The following PRMT2 variants were observed in gnomAD, a reference collection of about 807,000 sequenced individuals.
The protein encoded by PRMT2 is protein arginine N-methyltransferase 2.
In PRMT2, 26 loss-of-function variants were observed where a neutral mutation model predicts 57.6. The observed-to-expected ratio is 0.45, with a 90% CI of 0.33 to 0.63. The LOEUF (loss-of-function observed/expected upper bound fraction) is 0.63, where lower values mean the gene tolerates loss of function less well. PRMT2 is among the 20% of genes least tolerant of loss of function. The probability of loss-of-function intolerance (pLI) is 0.02; values close to 1 mark genes in which losing one functional copy is unlikely to be tolerated. For synonymous variants in PRMT2, 219 were observed against 220.0 expected (o/e 1.00, Z 0.04); for missense variants, 472 against 564.4 (o/e 0.84, Z 1.66).
chr21:46,657,433 C>T (rs1226591838), intron 7 of PRMT2: 1 of 151,630 alleles, frequency 6.6e-6, no homozygotes, highest in East Asian at 1.9e-4. Context: ...CTGGATAATC[C>T]TTAAGGATAA....
At chr21:46,653,714 C>T (rs887607839) in intron 7 of PRMT2, 24 of 1,253,258 alleles carry the variant, frequency 1.9e-5, no homozygotes, top group Admixed American at 8.6e-5. Flanking sequence ...GGTGCCCACA[C>T]GCACACACAC....
intron 7 of PRMT2, chr21:46,657,357 C>CT (rs1569162157): frequency 6.9e-6 from 1 of 145,252 alleles, no homozygotes; most frequent in Non-Finnish European, 1.5e-5. Flanking sequence ...AATGATTATA[C>CT]TAGCTCTCTT....
rs980743844 is a variant in PRMT2 at position 46,649,407 on chromosome 21, G to C, written c.490-168G>C. On this transcript the variant is annotated intron_variant, in intron 6 of 11. Coordinates refer to ENST00000355680, the MANE Select transcript of PRMT2 (RefSeq NM_206962.4). The surrounding 1 kb of genome is among the most constrained non-coding windows in gnomAD (Gnocchi z 4.8). ...GGTTAGAGGCGGCTCCTTTCTGGGT[G>C]CCCCTGGAGGGGCAGGTGTGGCCAG... 18 of 1,035,042 alleles carry C rather than the reference G, an allele frequency of 1.7e-5. No homozygotes were observed. The African/African-American group carries it at 2.3e-4, about 14-fold the overall frequency. The allele number at this position is 1,035,042 out of a possible 1,614,324, so 64.1% of individuals were successfully genotyped here.
chr21:46,653,451 ATTTGC>A (rs2061491801), intron 7 of PRMT2: 1 of 998,654 alleles, frequency 1.0e-6, no homozygotes. Flanking sequence ...GCCTAAATGT[ATTTGC>A]TTTATTTACA....
chr21:46,664,359 A>T lies in PRMT2; in HGVS notation c.*32A>T, dbSNP rs776409455. The T allele has an allele frequency of 6.8e-6, 11 of 1,614,066 alleles. No individual in the cohort carries two copies. Among genetic ancestry groups the T allele is most frequent in the Non-Finnish European group, 9.3e-6 (11 of 1,179,960 alleles). On this transcript the variant is annotated 3_prime_UTR_variant, in exon 12 of 12. Coordinates refer to ENST00000355680, the MANE Select transcript of PRMT2 (RefSeq NM_206962.4). ...ATGCTTTATTTGGAAAGCAGTGTGCATATCTTGAGGGGTGATGAACACAAG... is the reference window on the plus strand; with the variant it reads ...ATGCTTTATTTGGAAAGCAGTGTGCTTATCTTGAGGGGTGATGAACACAAG...
rs760799300 is a variant in PRMT2 at position 46,649,985 on chromosome 21, A to G, written c.654+246A>G. 20 of 1,429,588 alleles carry G rather than the reference A, an allele frequency of 1.4e-5. No individual in the cohort carries two copies. Among genetic ancestry groups the G allele is most frequent in the Admixed American group, 2.8e-5 (1 of 35,368 alleles). The allele number at this position is 1,429,588 out of a possible 1,614,324, so 88.6% of individuals were successfully genotyped here. A position where few individuals can be genotyped will look rare whatever the true frequency, so the allele number is the denominator to read the frequency against. ...TGTAACATTTTCATGAGTGATTTAC[A>G]TGAACTGTGTTCTCCTCGGGGATCT... is the stretch of plus-strand genomic sequence containing the variant. On this transcript the variant is annotated intron_variant, in intron 7 of 11. Coordinates refer to ENST00000355680, the MANE Select transcript of PRMT2 (RefSeq NM_206962.4). This position sits in a 1 kb window ranked among gnomAD's most constrained non-coding sequence, Gnocchi z 4.8.
chr21:46,657,766 C>T (rs540669124), intron 7 of PRMT2: 12 of 152,126 alleles, frequency 7.9e-5, no homozygotes, highest in African/African-American at 2.4e-4. Context: ...CGCTCAAGTT[C>T]GTAGGCTGTA....
In PRMT2 at chr21:46,649,329, C is replaced by G. The variant is rs1220402811; in HGVS notation, c.490-246C>G. Among the ~76,000 whole-genome samples the G allele has an allele frequency of 6.6e-6, 1 of 152,218 alleles. No individual in the cohort carries two copies. Among genetic ancestry groups the G allele is most frequent in the African/African-American group, 2.4e-5 (1 of 41,462 alleles). On this transcript the variant is annotated intron_variant, in intron 6 of 11. Transcript: ENST00000355680. The surrounding 1 kb of genome is among the most constrained non-coding windows in gnomAD (Gnocchi z 4.8). ...CGGCTCGGGCATGCGAGTCTTCCATCCACTTGCAGCCCTGCGTCTGTGTCT... is the reference window on the plus strand; with the variant it reads ...CGGCTCGGGCATGCGAGTCTTCCATGCACTTGCAGCCCTGCGTCTGTGTCT...
At chr21:46,646,874 C>T (rs1057051830) in intron 5 of PRMT2, among the ~76,000 whole-genome samples, 7 of 152,180 alleles carry the variant, frequency 4.6e-5, no homozygotes, top group East Asian at 3.8e-4. Flanking sequence ...CTTTGTTTCT[C>T]GCAGTTCTGG....
At chr21:46,657,886 T>G (rs1200734413) in intron 7 of PRMT2, 1 of 152,224 alleles carries the variant, frequency 6.6e-6, no homozygotes, top group African/African-American at 2.4e-5. Flanking sequence ...AACTGCAGAG[T>G]GATAACAGTG....
chr21:46,641,736 TGTG>T (rs2061279568), intron 3 of PRMT2, among the ~76,000 whole-genome samples: 1 of 151,006 alleles, frequency 6.6e-6, no homozygotes, highest in South Asian at 2.1e-4. Context: ...TGTGTGTGTG[TGTG>T]TGTGTGTGTA....
chr21:46,650,676 C>G (rs1451022724), intron 7 of PRMT2, among the ~76,000 whole-genome samples: 1 of 152,170 alleles, frequency 6.6e-6, no homozygotes, highest in Non-Finnish European at 1.5e-5. Flanking sequence ...GGTGCCCCGG[C>G]CACGGGGACA....
At chr21:46,641,319 A>G (rs2061270628) in intron 3 of PRMT2, among the ~76,000 whole-genome samples, 1 of 152,178 alleles carries the variant, frequency 6.6e-6, no homozygotes, top group South Asian at 2.1e-4. Flanking sequence ...GCTATGGAAT[A>G]TCGTATAGCC....
At position 46,661,814 on chromosome 21, in the gene PRMT2, G is replaced by C. The variant is rs1199453632; in HGVS notation, c.975G>C (p.Glu325Asp). 6.8e-6 allele frequency: 10 copies of C among 1,460,812 alleles called. No individual in the cohort carries two copies. The highest frequency in any genetic ancestry group is 1.5e-5 in the African/African-American group (1 of 68,640). 90.5% of individuals were successfully genotyped at this position (1,460,812 alleles called of 1,614,324 possible). Reference sequence around the variant, plus strand: ...GCTTGACCCAGACCCTGAGGGGCGAGCTGCGCTTCGACATCAGGAAGGCGG... The same window carrying C: ...GCTTGACCCAGACCCTGAGGGGCGACCTGCGCTTCGACATCAGGAAGGCGG... ...QISDLETLRG[E>D]LRFDIRKAGT... Residue 325 changes from glutamate (E) to aspartate (D), a missense_variant, in exon 10 of 12, where the codon GAG (glutamate) becomes GAC (aspartate). Glu to Asp is a conservative substitution (Grantham distance 45). Around this residue, in one of 2 missense-constraint regions of PRMT2, gnomAD observed 229 missense variants for 217.2 expected, o/e 1.05. Transcript: ENST00000355680.
At position 46,651,712 on chromosome 21, in the gene PRMT2, G is replaced by A. The variant is rs779244034; in HGVS notation, c.654+1973G>A. 1.2e-5 allele frequency: 17 copies of A among 1,411,726 alleles called. 1 individual carries two copies. The highest frequency in any genetic ancestry group is 1.6e-5 in the Non-Finnish European group (16 of 1,023,930). 87.4% of individuals were successfully genotyped at this position (1,411,726 alleles called of 1,614,324 possible). Reference sequence around the variant, plus strand: ...TGCAAGAGTTCCTATGGCGATAGTTGTTGGGGCACAGGGTTGGTCGGATTT... The same window carrying A: ...TGCAAGAGTTCCTATGGCGATAGTTATTGGGGCACAGGGTTGGTCGGATTT... On this transcript the variant is annotated intron_variant, in intron 7 of 11. Coordinates refer to ENST00000355680, the MANE Select transcript of PRMT2 (RefSeq NM_206962.4).
chr21:46,646,982 A>G (rs1410951253), intron 5 of PRMT2, among the ~76,000 whole-genome samples: 2 of 152,182 alleles, frequency 1.3e-5, no homozygotes, highest in Admixed American at 6.5e-5. Flanking sequence ...TTTCACCACA[A>G]ACCCTTTCAT....
At chr21:46,637,490 A>C (rs1012449795) in intron 3 of PRMT2, among the ~76,000 whole-genome samples, 1 of 152,204 alleles carries the variant, frequency 6.6e-6, no homozygotes, top group African/African-American at 2.4e-5. Flanking sequence ...GTTTTTAAAA[A>C]TCAAGCATTT....
At chr21:46,660,072 G>A (rs966351584) in intron 8 of PRMT2, 1 of 977,872 alleles carries the variant, frequency 1.0e-6, no homozygotes. Flanking sequence ...TTTTAAATTT[G>A]TAATTTTTTA....
In PRMT2 at chr21:46,636,958, A is replaced by G; in HGVS notation, c.7A>G (p.Thr3Ala). The G allele has an allele frequency of 6.2e-7, 1 of 1,613,854 alleles. No individual in the cohort carries two copies. Among genetic ancestry groups the G allele is most frequent in the Non-Finnish European group, 8.5e-7 (1 of 1,179,932 alleles). Residue 3 changes from threonine to alanine, a missense_variant, in exon 3 of 12, where the codon ACA becomes GCA. Physicochemically the swap from Thr to Ala is moderately conservative, Grantham distance 58 (BLOSUM62 0). Coordinates refer to ENST00000355680, the MANE Select transcript of PRMT2 (RefSeq NM_206962.4). The part of the protein sequence containing the change: MA[T>A]SGDCPRSESQ... ...GGCAGAGCCTAAGAGAACTATGGCA[A>G]CATCAGGTGACTGTCCCAGAAGTGA...
Sources: gnomAD v4.1 joint callset for allele counts (sites outside exome capture counted in the v4.1 genomes callset) on GRCh38, gnomAD v4.1.1 for gene constraint, gnomAD v4.1.1 regional missense constraint, Gnocchi (gnomAD v3.1) non-coding constraint, MANE v1.5 for transcripts, NCBI Gene and HGNC (gene_info 2026-07-23, HGNC 2026-07-21) for gene names.